The following ULK4 variants were observed in gnomAD, a reference collection of about 807,000 sequenced individuals.
ULK4 encodes the protein inactive serine/threonine-protein kinase ULK4.
In ULK4, 133 loss-of-function variants were observed where a neutral mutation model predicts 160.6. The observed-to-expected ratio is 0.83, with a 90% confidence interval of 0.72 to 0.96. The LOEUF (loss-of-function observed/expected upper bound fraction) is 0.96, where lower values mean the gene tolerates loss of function less well. ULK4 is among the 40% of genes least tolerant of loss of function. ULK4 has a pLI of 0.00. For missense variants in ULK4, 1,580 were observed against 1,499.5 expected (o/e 1.05, Z -0.89); for synonymous variants, 534 against 539.8 (o/e 0.99, Z 0.15).
intron 32 of ULK4, among the ~76,000 whole-genome samples, chr3:41,530,115 A>G (rs1179149499): frequency 1.3e-5 from 2 of 152,222 alleles, no homozygotes; most frequent in Non-Finnish European, 2.9e-5. Context: ...AAAATGATGG[A>G]TTTTACGATA....
intron 32 of ULK4, among the ~76,000 whole-genome samples, chr3:41,491,105 T>C (rs529750004): frequency 2.1e-4 from 32 of 152,324 alleles, no homozygotes; most frequent in African/African-American, 7.5e-4. Flanking sequence ...AAGGTCTATG[T>C]GAATAAATAC....
chr3:41,268,850 C>G (rs1157094624), intron 35 of ULK4, among the ~76,000 whole-genome samples: 4 of 151,614 alleles, frequency 2.6e-5, no homozygotes, highest in Admixed American at 2.0e-4. Context: ...ACACTCCACC[C>G]TCTTCCCAGA....
rs78607190 is a variant in ULK4, at chr3:41,478,104, C to T, written c.3227-14851G>A. On this transcript the variant is annotated intron_variant, in intron 32 of 36. Transcript: ENST00000301831. ...TAGAGCTTTCAGTTTGGCTTCTTTACCTGAAATCCTCACCCTCATCCATGG... is the reference window on the plus strand; with the variant it reads ...TAGAGCTTTCAGTTTGGCTTCTTTATCTGAAATCCTCACCCTCATCCATGG... Among the ~76,000 whole-genome samples, 339 of 152,316 alleles carry T rather than the reference C, an allele frequency of 2.2e-3. 1 individual carries two copies. Among genetic ancestry groups the T allele is most frequent in the Middle Eastern group, 6.8e-3 (2 of 294 alleles).
chr3:41,425,990 A>G (rs1190452613), intron 34 of ULK4, among the ~76,000 whole-genome samples: 1 of 152,182 alleles, frequency 6.6e-6, no homozygotes, highest in African/African-American at 2.4e-5. Flanking sequence ...AATGGCAAGC[A>G]GGATAAAGAC....
intron 35 of ULK4, among the ~76,000 whole-genome samples, chr3:41,280,566 A>G (rs1000161140): frequency 6.6e-6 from 1 of 152,210 alleles, no homozygotes; most frequent in Non-Finnish European, 1.5e-5. Context: ...CTACTGAGTA[A>G]ACAACGAAAT....
intron 21 of ULK4, among the ~76,000 whole-genome samples, chr3:41,769,855 T>A (rs985247473): frequency 6.6e-6 from 1 of 152,186 alleles, no homozygotes; most frequent in Non-Finnish European, 1.5e-5. Flanking sequence ...GTAAAATTGA[T>A]CTGCTTCAAT....
intron 16 of ULK4, among the ~76,000 whole-genome samples, chr3:41,886,683 C>A (rs533465679): frequency 1.5e-4 from 23 of 151,902 alleles, no homozygotes; most frequent in Middle Eastern, 3.4e-3. Flanking sequence ...TCAAGCCATT[C>A]TCCTGCCTCA....
chr3:41,533,459 A>T (rs1383642284), intron 32 of ULK4, among the ~76,000 whole-genome samples: 2 of 152,250 alleles, frequency 1.3e-5, no homozygotes, highest in Admixed American at 6.5e-5. Flanking sequence ...TTTAATAACT[A>T]AATTTTATAA....
chr3:41,610,556 T>C (rs1351564112), intron 31 of ULK4, among the ~76,000 whole-genome samples: 2 of 152,242 alleles, frequency 1.3e-5, no homozygotes, highest in African/African-American at 4.8e-5. Context: ...ACTGTCTGTC[T>C]ATATGACATT....
intron 31 of ULK4, among the ~76,000 whole-genome samples, chr3:41,609,913 G>A (rs2032584976): frequency 6.6e-6 from 1 of 151,714 alleles, no homozygotes; most frequent in Admixed American, 6.6e-5. Flanking sequence ...GTTTGAGGCT[G>A]CAATAAGCTA....
intron 34 of ULK4, among the ~76,000 whole-genome samples, chr3:41,439,567 G>C (rs1180793840): frequency 6.6e-6 from 1 of 152,172 alleles, no homozygotes; most frequent in African/African-American, 2.4e-5. Flanking sequence ...AATCAAGACA[G>C]TGAACATAAC....
chr3:41,645,909 G>T (rs2034466934), intron 30 of ULK4, among the ~76,000 whole-genome samples: 1 of 152,138 alleles, frequency 6.6e-6, no homozygotes, highest in South Asian at 2.1e-4. Context: ...AGGATAGTTA[G>T]CTCTTCTTGT....
At chr3:41,317,170 G>C (rs2080161213) in intron 35 of ULK4, among the ~76,000 whole-genome samples, 1 of 144,228 alleles carries the variant, frequency 6.9e-6, no homozygotes. Flanking sequence ...CCGCTTCCCG[G>C]GTTCACGCCA....
Position 41,715,252 on chromosome 3 carries a change from G to C in ULK4, c.2619C>G (p.Ser873Arg). ...PQVVTEEFLF[S>R]YGTILSHIKS... Reference sequence around the variant, plus strand: ...TGTTACTCACAAGAATAGTTCCATAGCTGAAAAGAAACTCTTCTGTCACAA... The same window carrying C: ...TGTTACTCACAAGAATAGTTCCATACCTGAAAAGAAACTCTTCTGTCACAA... The change falls in exon 25 of 37, where the codon AGC becomes AGG. Residue 873 changes from serine to arginine, a missense_variant. Ser to Arg is a moderately radical substitution (Grantham distance 110). Coordinates refer to ENST00000301831, the MANE Select transcript of ULK4 (RefSeq NM_017886.4). The C allele has an allele frequency of 6.2e-7, 1 of 1,613,302 alleles. No homozygotes were observed. The highest frequency in any genetic ancestry group is 8.5e-7 in the Non-Finnish European group (1 of 1,179,952).
Position 41,599,149 on chromosome 3 carries a change from C to T in ULK4, c.3120+16520G>A, listed in dbSNP as rs1331117819. ...AAGAAGCCTTGTGACTGCATTGGGCCGTGGGATGAGGATAATCTAATGTTT... is the reference window on the plus strand; with the variant it reads ...AAGAAGCCTTGTGACTGCATTGGGCTGTGGGATGAGGATAATCTAATGTTT... On this transcript the variant is annotated intron_variant, in intron 31 of 36. Transcript: ENST00000301831. 3.3e-5 allele frequency among the ~76,000 whole-genome samples: 5 copies of T among 151,988 alleles called. 1 individual carries two copies. The highest frequency in any genetic ancestry group is 7.3e-5 in the Non-Finnish European group (5 of 68,032).
At chr3:41,681,839 A>T (rs1221953077) in intron 27 of ULK4, 35 bp from the exon 28 acceptor site, 1 of 1,608,846 alleles carries the variant, frequency 6.2e-7, no homozygotes, top group Non-Finnish European at 8.5e-7. Context: ...CAGAATCTCT[A>T]TGAACACAAA....
chr3:41,859,538 C>A (rs73830534), intron 17 of ULK4: 68 of 543,550 alleles, frequency 1.3e-4, no homozygotes, highest in African/African-American at 1.2e-3. Flanking sequence ...AAGAAGCCAA[C>A]GAAGCCCCAG....
intron 30 of ULK4, among the ~76,000 whole-genome samples, chr3:41,646,804 G>A (rs374090593): frequency 1.7e-4 from 26 of 152,198 alleles, no homozygotes; most frequent in East Asian, 5.8e-4. Flanking sequence ...ACTTGGTTCC[G>A]TTCTCCCCGT....
chr3:41,489,155 G>T (rs1339810079), intron 32 of ULK4, among the ~76,000 whole-genome samples: 2 of 152,006 alleles, frequency 1.3e-5, no homozygotes, highest in East Asian at 3.9e-4. Flanking sequence ...CCTTCAACTA[G>T]TGCTCCCTGA....
Sources: gnomAD v4.1 joint callset for allele counts (sites outside exome capture counted in the v4.1 genomes callset) on GRCh38, gnomAD v4.1.1 for gene constraint, MANE v1.5 for transcripts, NCBI Gene and HGNC (gene_info 2026-07-23, HGNC 2026-07-21) for gene names.